Variants in RYR2 observed in about 807,000 individuals in gnomAD.
RYR2 encodes ryanodine receptor 2.
Under a neutral mutation model 601.1 loss-of-function variants are expected in RYR2, and 227 were observed. That is an observed-to-expected ratio of 0.38 (90% CI 0.34 to 0.42). The LOEUF is 0.42. Among genes scored for constraint, RYR2 ranks in the 10% least tolerant of loss-of-function variants. The probability of loss-of-function intolerance (pLI) is 1.00; values close to 1 mark genes in which losing one functional copy is unlikely to be tolerated. For synonymous variants in RYR2, 2,223 were observed against 2,175.1 expected (o/e 1.02, Z -0.61); for missense variants, 4,646 against 6,156.5 (o/e 0.75, Z 8.21).
At chr1:237,728,804 G>A (rs932037812) in intron 76 of RYR2, among the ~76,000 whole-genome samples, 1 of 151,980 alleles carries the variant, frequency 6.6e-6, no homozygotes, top group East Asian at 1.9e-4. Flanking sequence ...GCAATGGGAG[G>A]GAGAGTATTA....
At chr1:237,510,198 C>T (rs1435757357) in intron 23 of RYR2, among the ~76,000 whole-genome samples, 1 of 152,154 alleles carries the variant, frequency 6.6e-6, no homozygotes, top group Non-Finnish European at 1.5e-5. Context: ...AGAGGCGACT[C>T]AGAGCCCCGC....
intron 62 of RYR2, among the ~76,000 whole-genome samples, chr1:237,680,920 A>C (rs1685822933): frequency 6.6e-6 from 1 of 152,202 alleles, no homozygotes; most frequent in African/African-American, 2.4e-5. Context: ...GTTTCCACAA[A>C]TCTGATATTT....
chr1:237,325,511 AC>A (rs1350400506), intron 2 of RYR2, among the ~76,000 whole-genome samples: 1 of 151,676 alleles, frequency 6.6e-6, no homozygotes, highest in East Asian at 1.9e-4. Flanking sequence ...ACACGATGAA[AC>A]CCCATCTCTA....
chr1:237,442,740 T>G (rs1179986262), intron 13 of RYR2, among the ~76,000 whole-genome samples: 1 of 152,184 alleles, frequency 6.6e-6, no homozygotes, highest in Non-Finnish European at 1.5e-5. Flanking sequence ...ATGTTCTGGA[T>G]GTGTCTGACT....
intron 80 of RYR2, among the ~76,000 whole-genome samples, chr1:237,750,977 T>G (rs1013255715): frequency 3.3e-5 from 5 of 152,208 alleles, no homozygotes; most frequent in African/African-American, 1.2e-4. Context: ...TAATAACCAT[T>G]CATGAAGATC....
At chr1:237,206,935 G>C (rs765911325) in intron 1 of RYR2, among the ~76,000 whole-genome samples, 4 of 152,122 alleles carry the variant, frequency 2.6e-5, no homozygotes, top group Non-Finnish European at 5.9e-5. Context: ...ATTCCTATGA[G>C]AACTGTCCTT....
chr1:237,551,527 T>C (rs1208590090), intron 27 of RYR2, among the ~76,000 whole-genome samples: 10 of 42,210 alleles, frequency 2.4e-4, no homozygotes, highest in Non-Finnish European at 5.0e-4. Context: ...CAAGACTCCG[T>C]CTCAAAAAAA....
chr1:237,784,684 G>T lies in RYR2; in HGVS notation c.12972G>T (p.Lys4324Asn). 5 of 1,611,254 alleles carry T rather than the reference G, an allele frequency of 3.1e-6. No homozygotes were observed. Among genetic ancestry groups the T allele is most frequent in the Non-Finnish European group, 4.2e-6 (5 of 1,178,266 alleles). ...LGGSLVEGAKKIKVAELLANM... is the reference protein window; with the variant it reads ...LGGSLVEGAKNIKVAELLANM... Reference sequence around the variant, plus strand: ...GAAGCCTCGTCGAAGGTGCTAAAAAGATCAAAGTTGCAGAACTGTTAGCCA... The same window carrying T: ...GAAGCCTCGTCGAAGGTGCTAAAAATATCAAAGTTGCAGAACTGTTAGCCA... The change falls in exon 90 of 105, where the codon AAG (lysine) becomes AAT (asparagine). Residue 4324 changes from lysine (K) to asparagine (N), a missense_variant. Transcript: ENST00000366574. The surrounding 1 kb of genome is among the most constrained non-coding windows in gnomAD (Gnocchi z 7.1).
chr1:237,666,460 T>C, intron 56 of RYR2, 52 bp from the exon 57 acceptor site: 1 of 1,479,894 alleles, frequency 6.8e-7, no homozygotes, highest in Non-Finnish European at 9.3e-7. Flanking sequence ...AAGTTAAGTC[T>C]CTCTTCACAA....
chr1:237,673,344 A>T (rs898204587), intron 58 of RYR2, among the ~76,000 whole-genome samples: 3 of 152,238 alleles, frequency 2.0e-5, no homozygotes, highest in African/African-American at 7.2e-5. Context: ...CAAAATTTTA[A>T]CCAAAATTTT....
intron 25 of RYR2, among the ~76,000 whole-genome samples, chr1:237,536,915 A>G (rs891966543): frequency 1.3e-5 from 2 of 152,026 alleles, no homozygotes; most frequent in Non-Finnish European, 2.9e-5. Context: ...AACAATATCA[A>G]GAACTCCTAA....
intron 76 of RYR2, 67 bp downstream of exon 76, chr1:237,727,266 G>T: frequency 1.4e-6 from 1 of 716,294 alleles, no homozygotes; most frequent in South Asian, 2.4e-5. Context: ...CAGGTGTTTA[G>T]AATCTACCTT....
intron 1 of RYR2, among the ~76,000 whole-genome samples, chr1:237,196,112 G>A (rs965892700): frequency 2.7e-4 from 41 of 152,126 alleles, no homozygotes; most frequent in Non-Finnish European, 5.3e-4. Context: ...CAAGTTAATG[G>A]CAGCTTAAGA....
chr1:237,052,324 T>C (rs948366834), intron 1 of RYR2, among the ~76,000 whole-genome samples: 1 of 152,104 alleles, frequency 6.6e-6, no homozygotes, highest in African/African-American at 2.4e-5. Flanking sequence ...AGATGATGGA[T>C]GTGGTCATGA....
At position 237,744,946 on chromosome 1, in the gene RYR2, G is replaced by A. The variant is rs181115693; in HGVS notation, c.11145+2597G>A. On this transcript the variant is annotated intron_variant, in intron 80 of 104. Coordinates refer to ENST00000366574, the MANE Select transcript of RYR2 (RefSeq NM_001035.3). ...CGAGTAGCTAGGACTACAGTGGCGC[G>A]CCACCACGCCCGGCTAAGCTAATTT... Among the ~76,000 whole-genome samples the A allele has an allele frequency of 2.9e-3, 437 of 151,580 alleles. 2 individuals are homozygous for A. The highest frequency in any genetic ancestry group is 9.8e-3 in the African/African-American group (406 of 41,358).
chr1:237,139,394 G>A (rs1187865400), intron 1 of RYR2, among the ~76,000 whole-genome samples: 1 of 152,196 alleles, frequency 6.6e-6, no homozygotes, highest in Non-Finnish European at 1.5e-5. Flanking sequence ...AGGATTGGGT[G>A]GCTAAGGGAT....
chr1:237,245,166 A>G (rs1228296534), intron 1 of RYR2, among the ~76,000 whole-genome samples: 1 of 151,816 alleles, frequency 6.6e-6, no homozygotes, highest in Non-Finnish European at 1.5e-5. Flanking sequence ...GCAGTGAACT[A>G]TGATAGTGTC....
chr1:237,676,693 G>A (rs1297315526), intron 60 of RYR2, among the ~76,000 whole-genome samples: 3 of 152,110 alleles, frequency 2.0e-5, no homozygotes, highest in Non-Finnish European at 4.4e-5. Context: ...TGGAGATTTT[G>A]CAGCATATCT....
intron 4 of RYR2, among the ~76,000 whole-genome samples, chr1:237,358,071 A>T (rs1699453403): frequency 6.6e-6 from 1 of 152,122 alleles, no homozygotes; most frequent in African/African-American, 2.4e-5. Flanking sequence ...AACAGAAAGT[A>T]ATTTAACCCT....
Sources: allele counts gnomAD v4.1 joint callset (sites outside exome capture counted in the v4.1 genomes callset), GRCh38; gene constraint gnomAD v4.1.1; non-coding constraint Gnocchi (gnomAD v3.1); transcripts MANE v1.5; gene names NCBI Gene and HGNC (gene_info 2026-07-23, HGNC 2026-07-21).